Variants in STS observed in about 807,000 individuals in gnomAD.
The protein encoded by STS is steryl-sulfatase.
Under a neutral mutation model 26.8 loss-of-function variants are expected in STS, and 7 were observed. The ratio of observed to expected loss-of-function variants is 0.26; its 90% CI spans 0.15 to 0.49. STS has a LOEUF of 0.49. Ranked by LOEUF, STS falls within the 20% of genes least tolerant of loss-of-function variation. The pLI, the probability that STS is intolerant of heterozygous loss-of-function variation, is 0.98. For missense variants in STS, 434 were observed against 465.6 expected, an observed-to-expected ratio of 0.93 and a Z score of 0.63; for synonymous variants, 199 against 189.4, an observed-to-expected ratio of 1.05 and a Z score of -0.42.
At chrX:7,341,957 G>A (rs945952740) in intron 10 of STS, among the ~76,000 whole-genome samples, 12 of 110,204 alleles carry the variant, frequency 1.1e-4, no homozygotes, top group South Asian at 4.0e-4. Flanking sequence ...GATTACGGGC[G>A]CCCACCACCA....
chrX:7,279,377 GTA>G lies in STS; in HGVS notation c.943+3298_943+3299del, dbSNP rs1166536226. Among the ~76,000 whole-genome samples the G allele has an allele frequency of 1.5e-4, 11 of 72,006 alleles. 1 individual carries two copies. Among genetic ancestry groups the G allele is most frequent in the African/African-American group, 4.8e-4 (9 of 18,932 alleles). 62.5% of individuals were successfully genotyped at this position (72,006 alleles called of 115,157 possible). A position where few individuals can be genotyped will look rare whatever the true frequency, so the allele number is the denominator to read the frequency against. On this transcript the variant is annotated intron_variant, in intron 7 of 10. Coordinates refer to ENST00000674429, the MANE Select transcript of STS (RefSeq NM_001320752.2). Reference sequence around the variant, plus strand: ...TGTGTGTATATGTGTGTGTGTGTGTGTATATATATGTGTGTGTATATATATGT... The same window carrying G: ...TGTGTGTATATGTGTGTGTGTGTGTGTATATATGTGTGTGTATATATATGT...
At chrX:7,168,792 G>A (rs772684761) in intron 1 of STS, among the ~76,000 whole-genome samples, 1 of 111,535 alleles carries the variant, frequency 9.0e-6, no homozygotes, top group East Asian at 2.8e-4. Context: ...CAGATGCCTG[G>A]GTCTGGTGCC....
intron 9 of STS, among the ~76,000 whole-genome samples, chrX:7,331,174 G>C (rs1336988202): frequency 8.9e-6 from 1 of 111,732 alleles, no homozygotes; most frequent in Non-Finnish European, 1.9e-5. Context: ...AGCTGAGAGA[G>C]AGCACAGCAC....
chrX:7,255,683 T>C (rs1276188027), intron 3 of STS, among the ~76,000 whole-genome samples: 2 of 112,238 alleles, frequency 1.8e-5, no homozygotes, highest in African/African-American at 6.5e-5. Flanking sequence ...TCACTTTTTT[T>C]TGTAGGCCAC....
intron 6 of STS, among the ~76,000 whole-genome samples, chrX:7,269,255 A>G (rs1924157034): frequency 1.1e-5 from 1 of 91,497 alleles, no homozygotes; most frequent in South Asian, 5.9e-4. Context: ...GTCTTTTGCC[A>G]TACTAGATCT....
At chrX:7,283,111 G>A (rs1924955082) in intron 7 of STS, among the ~76,000 whole-genome samples, 1 of 111,957 alleles carries the variant, frequency 8.9e-6, no homozygotes, top group African/African-American at 3.2e-5. Context: ...TATTTCCCTT[G>A]GGGTGTAATG....
chrX:7,275,966 G>A lies in STS; in HGVS notation c.822G>A (p.Pro274=), dbSNP rs376166767. ...AQFIQRNTET[P]FLLVLSYLHV... is the part of the protein sequence containing the mutation. ...TTTTTTGCAGGAACACTGAGACTCC[G>A]TTCCTGCTTGTCTTGTCCTACCTCC... is the stretch of plus-strand genomic sequence containing the variant. Residue 274 remains proline, a synonymous_variant, in exon 7 of 11, where the codon CCG becomes CCA. Transcript: ENST00000674429. 2.6e-5 allele frequency: 29 copies of A among 1,136,433 alleles called. No homozygotes were observed. Among genetic ancestry groups the A allele is most frequent in the East Asian group, 3.2e-5 (1 of 31,566 alleles). The allele number at this position is 1,136,433 out of a possible 1,213,427, so 93.7% of individuals were successfully genotyped here. A position where few individuals can be genotyped will look rare whatever the true frequency, so the allele number is the denominator to read the frequency against.
intron 1 of STS, among the ~76,000 whole-genome samples, chrX:7,186,669 G>T (rs1467760156): frequency 8.9e-6 from 1 of 112,269 alleles, no homozygotes; most frequent in African/African-American, 3.2e-5. Flanking sequence ...TGTCAAGAGT[G>T]CTCCTATACA....
At position 7,354,429 on chromosome X, in the gene STS, T is replaced by A. The variant is rs1416486624; in HGVS notation, c.*4168T>A. 4.5e-5 allele frequency: 5 copies of A among 111,280 alleles called. No individual in the cohort carries two copies. The highest frequency in any genetic ancestry group is 1.6e-4 in the African/African-American group (5 of 30,523). 9.2% of individuals were successfully genotyped at this position (111,280 alleles called of 1,213,427 possible). A position where few individuals can be genotyped will look rare whatever the true frequency, so the allele number is the denominator to read the frequency against. On this transcript the variant is annotated 3_prime_UTR_variant, in exon 11 of 11. Coordinates refer to ENST00000674429, the MANE Select transcript of STS (RefSeq NM_001320752.2). ...GCTTTAATAGGTAGCATTGAAAAATTTTTTTCTTTGACATCATTCATGACA... is the reference window on the plus strand; with the variant it reads ...GCTTTAATAGGTAGCATTGAAAAATATTTTTCTTTGACATCATTCATGACA...
At chrX:7,199,464 A>G (rs1440282562) in intron 2 of STS, among the ~76,000 whole-genome samples, 14 of 112,076 alleles carry the variant, frequency 1.2e-4, no homozygotes, top group African/African-American at 4.5e-4. Flanking sequence ...ATTATAATAA[A>G]TCGTGTTTTC....
intron 1 of STS, among the ~76,000 whole-genome samples, chrX:7,161,283 T>C (rs773151549): frequency 8.9e-6 from 1 of 111,879 alleles, no homozygotes; most frequent in African/African-American, 3.2e-5. Flanking sequence ...AAATGTTTCT[T>C]AACAGGCTAT....
chrX:7,275,995 T>G lies in STS; in HGVS notation c.851T>G (p.Val284Gly). Reference sequence around the variant, plus strand: ...CTGCTTGTCTTGTCCTACCTCCACGTGCACACAGCCCTGTTCTCCAGCAAA... The same window carrying G: ...CTGCTTGTCTTGTCCTACCTCCACGGGCACACAGCCCTGTTCTCCAGCAAA... ...PFLLVLSYLH[V>G]HTALFSSKDF... The change falls in exon 7 of 11, where the codon GTG (valine) becomes GGG (glycine). Residue 284 changes from valine to glycine, a missense_variant. Val to Gly is a moderately radical substitution (Grantham distance 109). Coordinates refer to ENST00000674429, the MANE Select transcript of STS (RefSeq NM_001320752.2). 8.3e-7 allele frequency: 1 copy of G among 1,199,839 alleles called. No homozygotes were observed. The highest frequency in any genetic ancestry group is 1.1e-6 in the Non-Finnish European group (1 of 890,020).
intron 2 of STS, among the ~76,000 whole-genome samples, chrX:7,217,438 T>G (rs780762009): frequency 1.8e-5 from 2 of 111,767 alleles, no homozygotes; most frequent in Non-Finnish European, 3.8e-5. Context: ...TAACAAGGCT[T>G]TAGCTTTTAG....
rs948411226 is a variant in STS at position 7,203,858 on chromosome X, C to T, written c.-5+12850C>T. On this transcript the variant is annotated intron_variant, in intron 2 of 10. Coordinates refer to ENST00000674429, the MANE Select transcript of STS (RefSeq NM_001320752.2). ...GGAATACGATGGCACAGTCATAGCT[C>T]ATTGTAGCCTCAAACTTCTGGGCTC... Among the ~76,000 whole-genome samples, 4 of 111,508 alleles carry T rather than the reference C, an allele frequency of 3.6e-5. No individual in the cohort carries two copies. The Admixed American group carries it at 3.8e-4, about 11-fold the overall frequency.
chrX:7,231,924 A>G (rs754402848), intron 2 of STS, among the ~76,000 whole-genome samples: 1 of 107,276 alleles, frequency 9.3e-6, no homozygotes, highest in East Asian at 2.9e-4. Flanking sequence ...CCACTCACCC[A>G]TGACAATTAG....
chrX:7,196,758 AT>A (rs1450695828), intron 2 of STS, among the ~76,000 whole-genome samples: 2 of 111,576 alleles, frequency 1.8e-5, no homozygotes, highest in African/African-American at 6.5e-5. Flanking sequence ...CTCTATCTGT[AT>A]TTTGGACACC....
At chrX:7,319,670 T>G (rs1337471009) in intron 8 of STS, among the ~76,000 whole-genome samples, 14 of 109,527 alleles carry the variant, frequency 1.3e-4, no homozygotes, top group South Asian at 7.7e-4. Flanking sequence ...ACATGTATCT[T>G]TCTGAGTTTC....
At chrX:7,152,189 C>T (rs187388947) in intron 1 of STS, among the ~76,000 whole-genome samples, 33 of 110,422 alleles carry the variant, frequency 3.0e-4, no homozygotes, top group Middle Eastern at 5.0e-3. Flanking sequence ...CCTGACCTTG[C>T]GATCCGCCCC....
chrX:7,322,775 G>T (rs1927102242), intron 8 of STS, among the ~76,000 whole-genome samples: 1 of 111,793 alleles, frequency 8.9e-6, no homozygotes, highest in African/African-American at 3.3e-5. Context: ...CAGACCCTGT[G>T]AACATCCATC....
Sources: gnomAD v4.1 joint callset for allele counts (sites outside exome capture counted in the v4.1 genomes callset) on GRCh38, gnomAD v4.1.1 for gene constraint, MANE v1.5 for transcripts, NCBI Gene and HGNC (gene_info 2026-07-23, HGNC 2026-07-21) for gene names.